PRKN: variants seen among roughly 807,000 people sequenced by gnomAD.
PRKN encodes the protein E3 ubiquitin-protein ligase parkin.
Under a neutral mutation model 59.5 loss-of-function variants are expected in PRKN, and 56 were observed. The ratio of observed to expected loss-of-function variants is 0.94; its 90% CI spans 0.76 to 1.18. The LOEUF is 1.18. PRKN is among the 50% of genes most tolerant of loss of function. PRKN has a pLI of 0.00. For synonymous variants in PRKN, 250 were observed against 222.1 expected, an observed-to-expected ratio of 1.13 and a Z score of -1.12; for missense variants, 657 against 596.4, an observed-to-expected ratio of 1.10 and a Z score of -1.06.
intron 7 of PRKN, among the ~76,000 whole-genome samples, chr6:161,771,612 A>G (rs1789697975): frequency 6.6e-6 from 1 of 152,194 alleles, no homozygotes; most frequent in Non-Finnish European, 1.5e-5. Flanking sequence ...TGGTTCAAAA[A>G]GCAGAAAATA....
At chr6:162,652,014 C>T (rs1778459616) in intron 1 of PRKN, among the ~76,000 whole-genome samples, 1 of 152,144 alleles carries the variant, frequency 6.6e-6, no homozygotes, top group Non-Finnish European at 1.5e-5. Context: ...GTACTACTGA[C>T]ATTTTGGGTC....
intron 4 of PRKN, among the ~76,000 whole-genome samples, chr6:162,141,822 C>T (rs1781791590): frequency 6.6e-6 from 1 of 152,174 alleles, no homozygotes; most frequent in South Asian, 2.1e-4. Context: ...CCCATTGTCC[C>T]ATTTGATGGA....
At chr6:162,647,961 A>C (rs1377171546) in intron 1 of PRKN, among the ~76,000 whole-genome samples, 13 of 149,290 alleles carry the variant, frequency 8.7e-5, no homozygotes, top group Admixed American at 3.3e-4. Context: ...AAAAAAAAAA[A>C]AAAAAAAAAA....
rs1554245458 is a variant in PRKN, at chr6:161,902,560, ATTTAT to A, written c.734+70737_734+70741del. On this transcript the variant is annotated intron_variant, in intron 6 of 11. Coordinates refer to ENST00000366898, the MANE Select transcript of PRKN (RefSeq NM_004562.3). ...TATCTATCTATCTATTTATTTATTT[ATTTAT>A]TTTTTTTTTTTTGCGACAGAGTCTT... is the stretch of plus-strand genomic sequence containing the variant. Among the ~76,000 whole-genome samples the A allele has an allele frequency of 5.7e-4, 72 of 125,332 alleles. 2 individuals carry two copies. Among genetic ancestry groups the A allele is most frequent in the South Asian group, 4.8e-3 (19 of 3,942 alleles). The allele number at this position is 125,332 out of a possible 152,430, so 82.2% of individuals were successfully genotyped here.
chr6:161,667,091 G>C (rs1253445836), intron 7 of PRKN, among the ~76,000 whole-genome samples: 8 of 152,240 alleles, frequency 5.3e-5, no homozygotes. Context: ...CACACAGAAA[G>C]AGCAGCCCTG....
At chr6:161,586,278 A>C (rs1663228241) in intron 7 of PRKN, among the ~76,000 whole-genome samples, 1 of 152,136 alleles carries the variant, frequency 6.6e-6, no homozygotes, top group African/African-American at 2.4e-5. Flanking sequence ...TCAGCCTCCC[A>C]CAGCACTGGG....
At chr6:162,367,213 T>C (rs1232315613) in intron 2 of PRKN, among the ~76,000 whole-genome samples, 3 of 152,142 alleles carry the variant, frequency 2.0e-5, no homozygotes, top group South Asian at 2.1e-4. Context: ...GAAGGACATG[T>C]TTGCTTCCCC....
In PRKN at chr6:161,601,651, C is replaced by T. The variant is rs577858623; in HGVS notation, c.872-32235G>A. ...AGGCTGGAGTGCAGTGGCGCGATCTCGGCTCACTGCAAGCTCCGCCTCCCA... is the reference window on the plus strand; with the variant it reads ...AGGCTGGAGTGCAGTGGCGCGATCTTGGCTCACTGCAAGCTCCGCCTCCCA... On this transcript the variant is annotated intron_variant, in intron 7 of 11. Transcript: ENST00000366898. 3.0e-4 allele frequency among the ~76,000 whole-genome samples: 45 copies of T among 150,376 alleles called. No individual in the cohort carries two copies. The East Asian group carries it at 3.5e-3, about 12-fold the overall frequency.
At chr6:162,527,610 CGTTACGACTG>C (rs1233243873) in intron 1 of PRKN, among the ~76,000 whole-genome samples, 1 of 152,088 alleles carries the variant, frequency 6.6e-6, no homozygotes, top group Non-Finnish European at 1.5e-5. Flanking sequence ...CCAGTTTCTT[CGTTACGACTG>C]GTTAAAACTG....
chr6:162,241,488 A>G (rs1346887174), intron 3 of PRKN, among the ~76,000 whole-genome samples: 1 of 152,100 alleles, frequency 6.6e-6, no homozygotes, highest in Non-Finnish European at 1.5e-5. Context: ...AGAGGTTGTG[A>G]TTGAGAAGTG....
At chr6:162,092,223 C>T (rs115806987) in intron 4 of PRKN, among the ~76,000 whole-genome samples, 4,036 of 152,104 alleles carry the variant, frequency 0.027, 192 homozygotes, top group African/African-American at 0.093. Flanking sequence ...GGCATGTTGG[C>T]GAGCGCCTAT....
At chr6:161,899,443 T>G (rs1777798740) in intron 6 of PRKN, among the ~76,000 whole-genome samples, 1 of 152,186 alleles carries the variant, frequency 6.6e-6, no homozygotes, top group Admixed American at 6.5e-5. Context: ...GGTAATATTT[T>G]GCAATTTTAT....
chr6:161,718,252 G>A (rs73013498), intron 7 of PRKN, among the ~76,000 whole-genome samples: 21,884 of 151,964 alleles, frequency 0.14, 1,975 homozygotes, highest in Non-Finnish European at 0.2. Flanking sequence ...CTCAAGGAGC[G>A]TCCATAGCAA....
intron 6 of PRKN, among the ~76,000 whole-genome samples, chr6:161,866,647 GA>G (rs1308125240): frequency 6.6e-5 from 10 of 152,144 alleles, no homozygotes; most frequent in Admixed American, 4.6e-4. Flanking sequence ...GGCTGCTGGA[GA>G]AATGGCACTG....
chr6:162,363,050 C>A (rs1237851746), intron 2 of PRKN, among the ~76,000 whole-genome samples: 1 of 149,166 alleles, frequency 6.7e-6, no homozygotes, highest in Non-Finnish European at 1.5e-5. Context: ...ATGGCATGAA[C>A]CCAGGAGGCA....
intron 2 of PRKN, among the ~76,000 whole-genome samples, chr6:162,438,841 T>G (rs2128165906): frequency 6.6e-6 from 1 of 152,332 alleles, no homozygotes; most frequent in South Asian, 2.1e-4. Context: ...TCTTGCAAAC[T>G]TTGGAAGTTT....
chr6:162,191,848 A>G (rs1367633473), intron 4 of PRKN, among the ~76,000 whole-genome samples: 5 of 152,184 alleles, frequency 3.3e-5, no homozygotes, highest in Non-Finnish European at 7.3e-5. Context: ...GCCATGAAGG[A>G]CAGTGGCTAG....
intron 9 of PRKN, among the ~76,000 whole-genome samples, chr6:161,522,195 A>C (rs1778852755): frequency 6.6e-6 from 1 of 152,128 alleles, no homozygotes; most frequent in Non-Finnish European, 1.5e-5. Flanking sequence ...TCCATTAATA[A>C]AGTGTTTGTT....
At chr6:161,424,785 C>T (rs372372664) in intron 9 of PRKN, among the ~76,000 whole-genome samples, 2 of 152,238 alleles carry the variant, frequency 1.3e-5, no homozygotes, top group African/African-American at 4.8e-5. Context: ...AAGGAATTAA[C>T]TCATCTAGGA....
Sources: gnomAD v4.1 joint callset for allele counts (sites outside exome capture counted in the v4.1 genomes callset) on GRCh38, gnomAD v4.1.1 for gene constraint, MANE v1.5 for transcripts, NCBI Gene and HGNC (gene_info 2026-07-23, HGNC 2026-07-21) for gene names.